Variants in LRFN5 observed in about 807,000 individuals in gnomAD.
The protein encoded by LRFN5 is leucine-rich repeat and fibronectin type-III domain-containing protein 5.
A neutral mutation model predicts 45.6 loss-of-function variants in LRFN5; 24 were observed. That is an observed-to-expected ratio of 0.53 (90% CI 0.38 to 0.74). The LOEUF is 0.74. LRFN5 is among the 30% of genes least tolerant of loss of function. The pLI is 0.00. For synonymous variants in LRFN5, 340 were observed against 313.8 expected, an observed-to-expected ratio of 1.08 and a Z score of -0.88; for missense variants, 776 against 861.5, an observed-to-expected ratio of 0.90 and a Z score of 1.24.
In LRFN5 at chr14:41,898,901, A is replaced by G. The variant is rs1264019629; in HGVS notation, c.2099-16A>G. 6.2e-7 allele frequency: 1 copy of G among 1,607,108 alleles called. No individual in the cohort carries two copies. Among genetic ancestry groups the G allele is most frequent in the Non-Finnish European group, 8.5e-7 (1 of 1,177,036 alleles). ...AAAAAATGAATTGTTTATGACACTG[A>G]ACATTTTATTCCCAGATGCTTTGCT... On this transcript the variant is annotated splice_polypyrimidine_tract_variant and intron_variant, in intron 4 of 5. Coordinates refer to ENST00000298119, the MANE Select transcript of LRFN5 (RefSeq NM_152447.5).
intron 1 of LRFN5, among the ~76,000 whole-genome samples, chr14:41,719,483 T>C (rs1370455180): frequency 2.0e-5 from 3 of 152,056 alleles, no homozygotes; most frequent in Non-Finnish European, 4.4e-5. Flanking sequence ...GTAATAGTTA[T>C]TATTGCAAGT....
chr14:41,821,797 T>A (rs942724036), intron 2 of LRFN5, among the ~76,000 whole-genome samples: 1 of 129,080 alleles, frequency 7.7e-6, no homozygotes, highest in South Asian at 2.7e-4. Context: ...TTAATTGGGG[T>A]GGGGGGAGAT....
chr14:41,743,606 G>C (rs1348954984), intron 1 of LRFN5, among the ~76,000 whole-genome samples: 8 of 152,128 alleles, frequency 5.3e-5, no homozygotes, highest in African/African-American at 1.9e-4. Flanking sequence ...CTTCAGTGTT[G>C]TATTCCACTG....
chr14:41,653,565 T>C (rs1204220420), intron 1 of LRFN5, among the ~76,000 whole-genome samples: 1 of 152,118 alleles, frequency 6.6e-6, no homozygotes, highest in Non-Finnish European at 1.5e-5. Flanking sequence ...AAACAAAGTA[T>C]GTAGAGGGAG....
intron 1 of LRFN5, among the ~76,000 whole-genome samples, chr14:41,687,370 C>A (rs1258883150): frequency 6.6e-6 from 1 of 152,138 alleles, no homozygotes; most frequent in Non-Finnish European, 1.5e-5. Context: ...GAAATAAGAA[C>A]ACTTTTACAC....
At chr14:41,662,414 G>A (rs1462207046) in intron 1 of LRFN5, among the ~76,000 whole-genome samples, 1 of 151,862 alleles carries the variant, frequency 6.6e-6, no homozygotes, top group African/African-American at 2.4e-5. Context: ...TTGTACCCTG[G>A]AACTTAAGAA....
At chr14:41,770,061 A>T (rs1414061957) in intron 2 of LRFN5, among the ~76,000 whole-genome samples, 1 of 152,152 alleles carries the variant, frequency 6.6e-6, no homozygotes, top group African/African-American at 2.4e-5. Flanking sequence ...GGCACATGAC[A>T]TGGAGAGAGT....
chr14:41,716,298 C>T (rs543254574), intron 1 of LRFN5, among the ~76,000 whole-genome samples: 1 of 152,232 alleles, frequency 6.6e-6, no homozygotes, highest in South Asian at 2.1e-4. Flanking sequence ...CAAATTTCTG[C>T]GGCCAGCTTG....
At chr14:41,682,963 C>T (rs1881966977) in intron 1 of LRFN5, among the ~76,000 whole-genome samples, 6 of 152,018 alleles carry the variant, frequency 3.9e-5, no homozygotes, top group Admixed American at 3.9e-4. Flanking sequence ...TTCTGTGAGG[C>T]CAGTATTACC....
intron 1 of LRFN5, among the ~76,000 whole-genome samples, chr14:41,639,949 A>ATTTTTTTTTTTTTTTTTTTTTT (rs34020254): frequency 8.8e-5 from 6 of 68,034 alleles, no homozygotes; most frequent in Non-Finnish European, 8.0e-5. Context: ...TGACTGGCTA[A>ATTTTTTTTTTTTTTTTTTTTTT]TTTTTTTTTT....
At chr14:41,854,685 A>T (rs1056059647) in intron 2 of LRFN5, among the ~76,000 whole-genome samples, 34 of 152,164 alleles carry the variant, frequency 2.2e-4, no homozygotes, top group African/African-American at 8.2e-4. Flanking sequence ...GAAAGAAGAA[A>T]TTGAGCAAAT....
chr14:41,899,278 T>C (rs1445961419), intron 5 of LRFN5, among the ~76,000 whole-genome samples: 1 of 152,108 alleles, frequency 6.6e-6, no homozygotes, highest in African/African-American at 2.4e-5. Context: ...TTTACAAATA[T>C]TTCCAAATGT....
chr14:41,822,184 T>G (rs1888138534), intron 2 of LRFN5, among the ~76,000 whole-genome samples: 1 of 151,992 alleles, frequency 6.6e-6, no homozygotes, highest in Admixed American at 6.6e-5. Flanking sequence ...TTGTTATATC[T>G]TTTCTTCCGC....
chr14:41,867,058 A>T (rs1393817052), intron 2 of LRFN5, among the ~76,000 whole-genome samples: 1 of 151,774 alleles, frequency 6.6e-6, no homozygotes, highest in East Asian at 1.9e-4. Flanking sequence ...TGAAAAGGTT[A>T]TTGACATAAC....
At chr14:41,755,131 A>T (rs1404539165) in intron 1 of LRFN5, among the ~76,000 whole-genome samples, 6 of 152,146 alleles carry the variant, frequency 3.9e-5, no homozygotes, top group Non-Finnish European at 8.8e-5. Context: ...TCTGCGAGAC[A>T]GTTTGTTATA....
At chr14:41,693,626 A>G (rs1176679511) in intron 1 of LRFN5, among the ~76,000 whole-genome samples, 1 of 151,874 alleles carries the variant, frequency 6.6e-6, no homozygotes, top group Non-Finnish European at 1.5e-5. Context: ...ATGTATTGAA[A>G]TGTTGTTGGC....
chr14:41,680,233 C>T (rs868213416), intron 1 of LRFN5, among the ~76,000 whole-genome samples: 3 of 152,176 alleles, frequency 2.0e-5, no homozygotes, highest in African/African-American at 7.2e-5. Flanking sequence ...GGCTTTCCCA[C>T]TTGCTGATTG....
chr14:41,891,532 C>T lies in LRFN5; in HGVS notation c.1668C>T (p.Asn556=), dbSNP rs1017797631. 9.3e-6 allele frequency: 15 copies of T among 1,613,978 alleles called. No homozygotes were observed. The highest frequency in any genetic ancestry group is 1.7e-5 in the Admixed American group (1 of 60,002). ...TGATGATCCGGTATAAGGTTTGCAA[C>T]AATAATGGGCAACACAAGGTCACCA... ...IILMIRYKVC[N]NNGQHKVTKV... Residue 556 remains asparagine, a synonymous_variant, in exon 4 of 6, where the codon AAC becomes AAT. Transcript: ENST00000298119.
chr14:41,858,625 C>G (rs1889555631), intron 2 of LRFN5, among the ~76,000 whole-genome samples: 1 of 152,186 alleles, frequency 6.6e-6, no homozygotes, highest in East Asian at 1.9e-4. Flanking sequence ...CCTTCAATGT[C>G]ACGTGCTTTT....
Sources: gnomAD v4.1 joint callset for allele counts (sites outside exome capture counted in the v4.1 genomes callset) on GRCh38, gnomAD v4.1.1 for gene constraint, MANE v1.5 for transcripts, NCBI Gene and HGNC (gene_info 2026-07-23, HGNC 2026-07-21) for gene names.